The following PCAT7 variants were observed in gnomAD, a reference collection of about 807,000 sequenced individuals.
The protein encoded by PCAT7 is prostate cancer associated transcript 7, also known as prostate cancer associated transcript 7 (non-protein coding).
exon 2 of PCAT7, chr9:94,559,025 A>G (rs1827052586): frequency 6.2e-7 from 1 of 1,613,952 alleles, no homozygotes; most frequent in South Asian, 1.1e-5. Context: ...CTCGCTGGTG[A>G]ATTGCCTCGG....
chr9:94,573,938 G>A (rs1176502912), intron 3 of PCAT7, among the ~76,000 whole-genome samples: 2 of 152,156 alleles, frequency 1.3e-5, no homozygotes, highest in African/African-American at 4.8e-5. Context: ...TGAGCCTGGA[G>A]ATTTCTTTTC....
exon 2 of PCAT7, chr9:94,559,098 T>C (rs1375887921): frequency 6.2e-7 from 1 of 1,613,714 alleles, no homozygotes; most frequent in Non-Finnish European, 8.5e-7. Flanking sequence ...CTCAATGATG[T>C]AGGCCACGGG....
intron 2 of PCAT7, among the ~76,000 whole-genome samples, chr9:94,559,850 G>A (rs1010040812): frequency 1.3e-5 from 2 of 152,198 alleles, no homozygotes; most frequent in Non-Finnish European, 2.9e-5. Context: ...CCGACACAGA[G>A]AAAGTGTTGG....
At chr9:94,562,086 C>G (rs938698961) in intron 2 of PCAT7, among the ~76,000 whole-genome samples, 2 of 151,958 alleles carry the variant, frequency 1.3e-5, no homozygotes, top group Non-Finnish European at 2.9e-5. Context: ...CCAAGGCGGG[C>G]GGATCACGAG....
intron 3 of PCAT7, among the ~76,000 whole-genome samples, chr9:94,573,951 G>C (rs970028755): frequency 6.6e-6 from 1 of 152,056 alleles, no homozygotes; most frequent in African/African-American, 2.4e-5. Context: ...TTCTTTTCTT[G>C]GGCATGAGTT....
intron 2 of PCAT7, among the ~76,000 whole-genome samples, chr9:94,564,365 G>A (rs926401834): frequency 6.6e-6 from 1 of 152,210 alleles, no homozygotes; most frequent in South Asian, 2.1e-4. Flanking sequence ...GCACATGTAT[G>A]TTCACTGCAA....
chr9:94,574,578 G>C (rs527616624), intron 3 of PCAT7, among the ~76,000 whole-genome samples: 2 of 151,818 alleles, frequency 1.3e-5, no homozygotes, highest in African/African-American at 4.8e-5. Flanking sequence ...TATTTTCCTC[G>C]ATTGTCATTG....
At chr9:94,566,557 G>T (rs1347465430) in intron 2 of PCAT7, among the ~76,000 whole-genome samples, 1 of 152,218 alleles carries the variant, frequency 6.6e-6, no homozygotes, top group African/African-American at 2.4e-5. Flanking sequence ...AAATAGGTGG[G>T]TAAATCTGTT....
At chr9:94,568,910 A>G (rs1827233392) in intron 2 of PCAT7, 1 of 152,180 alleles carries the variant, frequency 6.6e-6, no homozygotes, top group African/African-American at 2.4e-5. Context: ...AGAATTACCA[A>G]GCAAAACCCC....
At chr9:94,555,544 G>A (rs573176113) in intron 1 of PCAT7, among the ~76,000 whole-genome samples, 1 of 150,494 alleles carries the variant, frequency 6.6e-6, no homozygotes, top group South Asian at 2.1e-4. Context: ...TGGATGAAGG[G>A]GGAAAAGAAG....
chr9:94,559,411 C>T (rs1451424655), intron 2 of PCAT7, among the ~76,000 whole-genome samples: 2 of 152,180 alleles, frequency 1.3e-5, no homozygotes, highest in Non-Finnish European at 2.9e-5. Context: ...AGACCTGCCT[C>T]TTGACTTGGA....
chr9:94,567,333 C>T, intron 2 of PCAT7: 1 of 1,614,160 alleles, frequency 6.2e-7, no homozygotes, highest in Non-Finnish European at 8.5e-7. Context: ...TGGCATAGCC[C>T]TCATTCAGGC....
chr9:94,561,505 G>GGC (rs1827102520), intron 2 of PCAT7, among the ~76,000 whole-genome samples: 3 of 151,956 alleles, frequency 2.0e-5, no homozygotes, highest in Non-Finnish European at 4.4e-5. Flanking sequence ...TGGAACCACA[G>GGC]GCACATGCCA....
chr9:94,571,733 A>G (rs1827272479), intron 2 of PCAT7: 3 of 817,056 alleles, frequency 3.7e-6, no homozygotes, highest in Middle Eastern at 3.1e-4. Context: ...AGCTGCTGCA[A>G]ATCCATCCAG....
chr9:94,564,805 T>A (rs1218663400), intron 2 of PCAT7, among the ~76,000 whole-genome samples: 1 of 152,128 alleles, frequency 6.6e-6, no homozygotes, highest in African/African-American at 2.4e-5. Flanking sequence ...TACCCCTGAA[T>A]CTAAAATAAA....
chr9:94,559,184 C>T lies in PCAT7; in HGVS notation n.441+32C>T, dbSNP rs752554250. The T allele has an allele frequency of 1.4e-4, 220 of 1,519,892 alleles. 1 individual carries two copies. The highest frequency in any genetic ancestry group is 5.5e-5 in the African/African-American group (4 of 72,720). The allele number at this position is 1,519,892 out of a possible 1,614,324, so 94.2% of individuals were successfully genotyped here. A position where few individuals can be genotyped will look rare whatever the true frequency, so the allele number is the denominator to read the frequency against. On this transcript the variant is annotated intron_variant and non_coding_transcript_variant, in intron 2 of 8. Coordinates refer to ENST00000647389, the Ensembl canonical transcript of PCAT7. ...AAACTCTGCAAGTGGCCAAATGTCC[C>T]GAGCCATGCCCCTAAAGCTGGGGGA...
intron 2 of PCAT7, chr9:94,571,457 C>A (rs1827267587): frequency 6.2e-7 from 1 of 1,607,654 alleles, no homozygotes. Context: ...ATATTCTGTA[C>A]CTACCGGGTC....
At chr9:94,559,499 A>T (rs1587834071) in intron 2 of PCAT7, among the ~76,000 whole-genome samples, 1 of 150,952 alleles carries the variant, frequency 6.6e-6, no homozygotes, top group African/African-American at 2.5e-5. Flanking sequence ...AAGCCTTTAT[A>T]TGTGAGACCT....
chr9:94,571,253 G>A (rs918265251), intron 2 of PCAT7, among the ~76,000 whole-genome samples: 11 of 152,160 alleles, frequency 7.2e-5, no homozygotes, highest in African/African-American at 2.4e-4. Context: ...TGGCTCTGCA[G>A]GACACTCCTC....
Sources: gnomAD v4.1 joint callset for allele counts (sites outside exome capture counted in the v4.1 genomes callset) on GRCh38, gnomAD v4.1.1 for gene constraint, MANE v1.5 for transcripts, NCBI Gene and HGNC (gene_info 2026-07-23, HGNC 2026-07-21) for gene names.